The following AGPS variants were observed in gnomAD, a reference collection of about 807,000 sequenced individuals.
AGPS encodes alkyldihydroxyacetonephosphate synthase, peroxisomal.
In AGPS, 26 loss-of-function variants were observed where a neutral mutation model predicts 90.7. The ratio of observed to expected loss-of-function variants is 0.29; its 90% confidence interval spans 0.21 to 0.40. The LOEUF (loss-of-function observed/expected upper bound fraction) is 0.40. Among genes scored for constraint, AGPS ranks in the 10% least tolerant of loss-of-function variants. The pLI, the probability that AGPS is intolerant of heterozygous loss-of-function variation, is 1.00. For missense variants in AGPS, 540 were observed against 816.1 expected, an observed-to-expected ratio of 0.66 and a Z score of 4.12; for synonymous variants, 294 against 285.3, an observed-to-expected ratio of 1.03 and a Z score of -0.31.
At chr2:177,444,095 CA>C (rs1452137059) in intron 7 of AGPS, among the ~76,000 whole-genome samples, 2 of 151,958 alleles carry the variant, frequency 1.3e-5, no homozygotes, top group Non-Finnish European at 2.9e-5. Flanking sequence ...GCCAAAGGAC[CA>C]AAAGCCTGAT....
At chr2:177,425,642 AAAG>A (rs1686060178) in intron 2 of AGPS, among the ~76,000 whole-genome samples, 1 of 151,532 alleles carries the variant, frequency 6.6e-6, no homozygotes, top group African/African-American at 2.4e-5. Context: ...AAAAAAAAAA[AAAG>A]GAAATCCTTT....
intron 17 of AGPS, among the ~76,000 whole-genome samples, chr2:177,514,845 G>A (rs2105727502): frequency 6.6e-6 from 1 of 151,998 alleles, no homozygotes; most frequent in Non-Finnish European, 1.5e-5. Flanking sequence ...CACCTTAAAT[G>A]TTCATTTCAA....
At chr2:177,530,271 A>T (rs1477664590) in intron 19 of AGPS, among the ~76,000 whole-genome samples, 1 of 152,248 alleles carries the variant, frequency 6.6e-6, no homozygotes, top group Non-Finnish European at 1.5e-5. Context: ...GAAATTTGCT[A>T]TCGAAGAATG....
At chr2:177,441,928 G>A (rs538541286) in intron 6 of AGPS, among the ~76,000 whole-genome samples, 2 of 152,098 alleles carry the variant, frequency 1.3e-5, no homozygotes, top group East Asian at 1.9e-4. Context: ...TTTTAAGCTT[G>A]TTTCTATTCT....
intron 15 of AGPS, among the ~76,000 whole-genome samples, chr2:177,506,896 CAT>C (rs1430790029): frequency 2.0e-5 from 3 of 151,872 alleles, no homozygotes; most frequent in African/African-American, 7.3e-5. Flanking sequence ...GCCTTTTCCC[CAT>C]AATACTGAAT....
Position 177,461,949 on chromosome 2 carries a change from T to C in AGPS, c.927T>C (p.Thr309=), listed in dbSNP as rs2105666286. 3 of 1,612,972 alleles carry C rather than the reference T, an allele frequency of 1.9e-6. No homozygotes were observed. The highest frequency in any genetic ancestry group is 2.2e-5 in the East Asian group (1 of 44,806). The part of the protein sequence containing the change: ...GHEPDSLEFS[T]VGGWVSTRAS... ...AACCAGATTCCCTGGAGTTCAGTAC[T>C]GTAGGAGGATGGGTATCTACTCGCG... Residue 309 remains threonine, a synonymous_variant, in exon 9 of 20, where the codon ACT becomes ACC. Transcript: ENST00000264167.
chr2:177,494,938 C>T (rs1454716500), intron 12 of AGPS, among the ~76,000 whole-genome samples: 2 of 152,112 alleles, frequency 1.3e-5, no homozygotes, highest in Non-Finnish European at 2.9e-5. Context: ...CAAAAGGTGC[C>T]CCAGACCCTG....
intron 14 of AGPS, 101 bp from the exon 15 acceptor site, chr2:177,505,405 T>G: frequency 9.7e-7 from 1 of 1,031,034 alleles, no homozygotes; most frequent in Non-Finnish European, 1.5e-6. Context: ...TGTTTTCAGA[T>G]TTTTGTTATT....
chr2:177,527,101 G>C (rs986422000), intron 19 of AGPS, among the ~76,000 whole-genome samples: 3 of 152,140 alleles, frequency 2.0e-5, no homozygotes, highest in Non-Finnish European at 2.9e-5. Context: ...AAAATGACAG[G>C]CTTTGAGAAG....
intron 1 of AGPS, among the ~76,000 whole-genome samples, chr2:177,407,207 A>G (rs1005077441): frequency 3.3e-5 from 5 of 152,302 alleles, no homozygotes; most frequent in African/African-American, 1.2e-4. Flanking sequence ...TAAGGTAATG[A>G]TTGTAAAGCC....
chr2:177,451,430 C>CT (rs540066840), intron 8 of AGPS, among the ~76,000 whole-genome samples: 8 of 151,374 alleles, frequency 5.3e-5, no homozygotes, highest in Admixed American at 1.3e-4. Context: ...TAAATTTTAA[C>CT]TTTTTTTTTG....
chr2:177,483,212 C>T (rs978858676), intron 11 of AGPS, among the ~76,000 whole-genome samples: 2 of 152,072 alleles, frequency 1.3e-5, no homozygotes, highest in African/African-American at 4.8e-5. Flanking sequence ...CTCATTTTCC[C>T]ATCATCTCAA....
chr2:177,523,661 G>C (rs1689264331), intron 18 of AGPS, 87 bp from the exon 19 acceptor site: 16 of 1,093,518 alleles, frequency 1.5e-5, no homozygotes, highest in Non-Finnish European at 2.1e-5. Flanking sequence ...CAGGAAACAT[G>C]TGCCTTCTTT....
intron 1 of AGPS, among the ~76,000 whole-genome samples, chr2:177,416,731 A>G (rs962067791): frequency 1.3e-5 from 2 of 151,836 alleles, no homozygotes; most frequent in Non-Finnish European, 2.9e-5. Flanking sequence ...GGGTTTCACT[A>G]TATTAGCCAG....
chr2:177,518,723 A>G (rs1281732019), intron 17 of AGPS, among the ~76,000 whole-genome samples: 2 of 125,292 alleles, frequency 1.6e-5, no homozygotes, highest in African/African-American at 3.1e-5. Flanking sequence ...ATCAGTAGGG[A>G]CTCATAGACA....
intron 11 of AGPS, among the ~76,000 whole-genome samples, chr2:177,490,048 T>C (rs936984733): frequency 6.6e-6 from 1 of 152,144 alleles, no homozygotes; most frequent in East Asian, 1.9e-4. Context: ...CAATCTTTTG[T>C]GGTTTTTTTA....
rs140694640 is a variant in AGPS, at chr2:177,394,577, A to G, written c.260+1528A>G. 7.2e-3 allele frequency among the ~76,000 whole-genome samples: 1,092 copies of G among 152,262 alleles called. 6 individuals carry two copies. The highest frequency in any genetic ancestry group is 0.01 in the Middle Eastern group (3 of 294). On this transcript the variant is annotated intron_variant, in intron 1 of 19. Coordinates refer to ENST00000264167, the MANE Select transcript of AGPS (RefSeq NM_003659.4). ...CAATACATGATTAGATTTACCTTTG[A>G]TAAAGGTCACACTGGGAGCAAATTG... is the stretch of plus-strand genomic sequence containing the variant.
chr2:177,406,280 A>G (rs577500520), intron 1 of AGPS, among the ~76,000 whole-genome samples: 1 of 152,222 alleles, frequency 6.6e-6, no homozygotes, highest in Non-Finnish European at 1.5e-5. Flanking sequence ...GTTCAGAGAA[A>G]GTGTCAGTAC....
chr2:177,474,363 AAG>A (rs2105683747), intron 10 of AGPS, among the ~76,000 whole-genome samples: 1 of 152,330 alleles, frequency 6.6e-6, no homozygotes, highest in African/African-American at 2.4e-5. Flanking sequence ...AAGTTATTAA[AAG>A]AAAGCTCTCA....
Sources: gnomAD v4.1 joint callset for allele counts (sites outside exome capture counted in the v4.1 genomes callset) on GRCh38, gnomAD v4.1.1 for gene constraint, MANE v1.5 for transcripts, NCBI Gene and HGNC (gene_info 2026-07-23, HGNC 2026-07-21) for gene names.